Variants in ANKRD18B observed in about 807,000 individuals in gnomAD.
ANKRD18B encodes ankyrin repeat domain 18B.
In ANKRD18B, 75 loss-of-function variants were observed where a neutral mutation model predicts 111.8. The observed-to-expected ratio is 0.67, with a 90% CI of 0.56 to 0.81. The LOEUF (loss-of-function observed/expected upper bound fraction) is 0.81. Ranked by LOEUF, ANKRD18B falls within the 40% of genes least tolerant of loss-of-function variation. The pLI is 0.00. For synonymous variants in ANKRD18B, 356 were observed against 417.3 expected, an observed-to-expected ratio of 0.85 and a Z score of 1.79; for missense variants, 1,038 against 1,225.5, an observed-to-expected ratio of 0.85 and a Z score of 2.28.
At chr9:33,535,350 A>G (rs1219361109) in intron 5 of ANKRD18B, among the ~76,000 whole-genome samples, 3 of 151,908 alleles carry the variant, frequency 2.0e-5, no homozygotes, top group African/African-American at 4.8e-5. Flanking sequence ...CAGTGGCGCA[A>G]TCTCGGCTCA....
At chr9:33,545,937 C>A (rs1828348894) in intron 10 of ANKRD18B, among the ~76,000 whole-genome samples, 1 of 152,110 alleles carries the variant, frequency 6.6e-6, no homozygotes, top group Non-Finnish European at 1.5e-5. Flanking sequence ...GTCTAAATGG[C>A]GGTTCTGGAA....
chr9:33,559,989 C>T (rs1828582378), intron 14 of ANKRD18B, among the ~76,000 whole-genome samples: 1 of 152,186 alleles, frequency 6.6e-6, no homozygotes, highest in Non-Finnish European at 1.5e-5. Flanking sequence ...CCTAGGGAAC[C>T]ACCCACCTTC....
rs1828701829 is a variant in ANKRD18B, at chr9:33,567,323, A to C, written c.2954+9A>C. Reference sequence around the variant, plus strand: ...TCAGAAAAAATAACGAAGTAAGTCAAAACATATACTCATAGAAAATGAATT... The same window carrying C: ...TCAGAAAAAATAACGAAGTAAGTCACAACATATACTCATAGAAAATGAATT... On this transcript the variant is annotated intron_variant, in intron 16 of 18. Coordinates refer to ENST00000684830, the MANE Select transcript of ANKRD18B (RefSeq NM_001393611.1). 2.0e-6 allele frequency: 3 copies of C among 1,533,360 alleles called. No individual in the cohort carries two copies. Among genetic ancestry groups the C allele is most frequent in the Non-Finnish European group, 1.8e-6 (2 of 1,141,498 alleles). 95.0% of individuals were successfully genotyped at this position (1,533,360 alleles called of 1,614,324 possible).
intron 14 of ANKRD18B, among the ~76,000 whole-genome samples, chr9:33,561,038 G>C (rs397832699): frequency 1.3e-5 from 2 of 152,162 alleles, no homozygotes; most frequent in African/African-American, 4.8e-5. Context: ...TTTTATTTTT[G>C]TGGAGTATAT....
Position 33,568,656 on chromosome 9 carries a change from T to C in ANKRD18B, c.2955-15T>C. The stretch of plus-strand genomic sequence containing the variant: ...AAAATGAAATACTAAGCATTTGTCT[T>C]TGCTCTCTTTACAGATCGGATAAGA... On this transcript the variant is annotated splice_polypyrimidine_tract_variant and intron_variant, in intron 16 of 18. Coordinates refer to ENST00000684830, the MANE Select transcript of ANKRD18B (RefSeq NM_001393611.1). 2 of 1,508,386 alleles carry C rather than the reference T, an allele frequency of 1.3e-6. No individual in the cohort carries two copies. The highest frequency in any genetic ancestry group is 1.8e-6 in the Non-Finnish European group (2 of 1,130,336). 93.4% of individuals were successfully genotyped at this position (1,508,386 alleles called of 1,614,324 possible). A position where few individuals can be genotyped will look rare whatever the true frequency, so the allele number is the denominator to read the frequency against.
intron 1 of ANKRD18B, among the ~76,000 whole-genome samples, chr9:33,525,299 C>T (rs923063414): frequency 1.3e-5 from 2 of 152,134 alleles, no homozygotes; most frequent in Admixed American, 6.5e-5. Context: ...TCAAAACGTG[C>T]TATTAATTCC....
intron 10 of ANKRD18B, among the ~76,000 whole-genome samples, chr9:33,545,717 C>A (rs1161522708): frequency 2.0e-5 from 3 of 152,144 alleles, no homozygotes; most frequent in African/African-American, 7.2e-5. Context: ...GCAAGATATG[C>A]AAAGGCTTAA....
At chr9:33,526,262 T>TA (rs1828023845) in intron 1 of ANKRD18B, among the ~76,000 whole-genome samples, 1 of 152,186 alleles carries the variant, frequency 6.6e-6, no homozygotes, top group Non-Finnish European at 1.5e-5. Context: ...AAAATACAGA[T>TA]ACATGCACTT....
At chr9:33,528,401 T>C (rs756228427) in intron 1 of ANKRD18B, among the ~76,000 whole-genome samples, 5 of 152,232 alleles carry the variant, frequency 3.3e-5, no homozygotes, top group Non-Finnish European at 7.3e-5. Context: ...TGGTGTCCTG[T>C]GAGCTAGCTG....
At chr9:33,556,994 A>T (rs1290881693) in intron 13 of ANKRD18B, among the ~76,000 whole-genome samples, 1 of 152,124 alleles carries the variant, frequency 6.6e-6, no homozygotes, top group South Asian at 2.1e-4. Flanking sequence ...AAAAAAATGG[A>T]ATGTGTCTTT....
chr9:33,543,233 G>T lies in ANKRD18B; in HGVS notation c.1127G>T (p.Arg376Ile), dbSNP rs1358272547. ...ASEEKQERLERSENKQPQDSQ... is the reference protein window; with the variant it reads ...ASEEKQERLEISENKQPQDSQ... ...GAGGAAAAGCAAGAAAGGCTTGAAA[G>T]AAGTGAAAATAAACAGCCGCAGGTA... Residue 376 changes from arginine to isoleucine, a missense_variant, in exon 10 of 19, where the codon AGA becomes ATA. Coordinates refer to ENST00000684830, the MANE Select transcript of ANKRD18B (RefSeq NM_001393611.1). 8.4e-6 allele frequency: 13 copies of T among 1,552,258 alleles called. No homozygotes were observed. Among genetic ancestry groups the T allele is most frequent in the Non-Finnish European group, 1.0e-5 (12 of 1,147,268 alleles).
At chr9:33,547,262 A>G (rs1411730931) in intron 10 of ANKRD18B, among the ~76,000 whole-genome samples, 1 of 152,198 alleles carries the variant, frequency 6.6e-6, no homozygotes, top group Non-Finnish European at 1.5e-5. Context: ...AAGTAGAGTC[A>G]GAAGCCGTGA....
At chr9:33,572,208 C>A in intron 18 of ANKRD18B, 108 bp from the exon 19 acceptor site, 2 of 821,448 alleles carry the variant, frequency 2.4e-6, no homozygotes, top group South Asian at 1.6e-5. Context: ...GTACATATTT[C>A]TCATTCTTAT....
Position 33,547,962 on chromosome 9 carries a change from A to G in ANKRD18B, c.1174A>G (p.Lys392Glu). The change falls in exon 11 of 19, where the codon AAG becomes GAG. Residue 392 changes from lysine (K) to glutamate (E), a missense_variant. Coordinates refer to ENST00000684830, the MANE Select transcript of ANKRD18B (RefSeq NM_001393611.1). ...PQDSQSYGKK[K>E]DEMFGNFMLK... ...GGATTCTCAAAGTTATGGAAAAAAG[A>G]AGGATGAGATGTTTGGAAATTTTAT... 1 of 1,437,662 alleles carries G rather than the reference A, an allele frequency of 7.0e-7. No homozygotes were observed. The highest frequency in any genetic ancestry group is 9.1e-7 in the Non-Finnish European group (1 of 1,094,512). 89.1% of individuals were successfully genotyped at this position (1,437,662 alleles called of 1,614,324 possible). A position where few individuals can be genotyped will look rare whatever the true frequency, so the allele number is the denominator to read the frequency against.
chr9:33,569,934 A>G (rs1828744514), intron 17 of ANKRD18B, among the ~76,000 whole-genome samples: 1 of 152,164 alleles, frequency 6.6e-6, no homozygotes, highest in Non-Finnish European at 1.5e-5. Flanking sequence ...CAGCAACCCC[A>G]TTACTATACT....
At chr9:33,535,797 TTATAGATTATATAATCTATATATTATA>T (rs1450679327) in intron 5 of ANKRD18B, among the ~76,000 whole-genome samples, 1 of 146,680 alleles carries the variant, frequency 6.8e-6, no homozygotes, top group Non-Finnish European at 1.5e-5. Flanking sequence ...TATATAATTA[TTATAGATTATATAATCTATATATTATA>T]TATAGATTAT....
intron 3 of ANKRD18B, among the ~76,000 whole-genome samples, chr9:33,531,557 T>C (rs1277338297): frequency 6.7e-6 from 1 of 150,214 alleles, no homozygotes; most frequent in East Asian, 1.9e-4. Context: ...GCGCAGAGGT[T>C]GCCCTGGGTA....
At chr9:33,525,759 T>A (rs1366088816) in intron 1 of ANKRD18B, among the ~76,000 whole-genome samples, 4 of 149,940 alleles carry the variant, frequency 2.7e-5, no homozygotes, top group Admixed American at 2.7e-4. Context: ...TTTACTAATA[T>A]ATAAAAATAT....
In ANKRD18B at chr9:33,524,686, G is replaced by A. The variant is rs3843933; in HGVS notation, c.197G>A (p.Arg66Lys). 0.8 allele frequency: 1,238,675 copies of A among 1,550,042 alleles called. 497,480 individuals are homozygous for A. The highest frequency in any genetic ancestry group is 0.89 in the East Asian group (36,273 of 40,862). ...RRFRDLDVRD[R>K]KDRTVLHLAC... ...TTCCGGGACTTGGACGTCCGCGACA[G>A]AAAAGACAGGTAGCGGGGGCTCAGC... is the stretch of plus-strand genomic sequence containing the variant. The change falls in exon 1 of 19, where the codon AGA (arginine) becomes AAA (lysine). Residue 66 changes from arginine to lysine, a missense_variant. Coordinates refer to ENST00000684830, the MANE Select transcript of ANKRD18B (RefSeq NM_001393611.1).
Sources: gnomAD v4.1 joint callset for allele counts (sites outside exome capture counted in the v4.1 genomes callset) on GRCh38, gnomAD v4.1.1 for gene constraint, MANE v1.5 for transcripts, NCBI Gene and HGNC (gene_info 2026-07-23, HGNC 2026-07-21) for gene names.